Variants in EIPR1 observed in about 807,000 individuals in gnomAD.
The protein encoded by EIPR1 is EARP complex and GARP complex interacting protein 1.
In EIPR1, 25 loss-of-function variants were observed where a neutral mutation model predicts 48.1. The observed-to-expected ratio is 0.52, with a 90% CI of 0.38 to 0.73. The LOEUF is 0.73. Ranked by LOEUF, EIPR1 falls within the 30% of genes least tolerant of loss-of-function variation. The pLI is 0.00. For synonymous variants in EIPR1, 204 were observed against 201.9 expected, an observed-to-expected ratio of 1.01 and a Z score of -0.09; for missense variants, 415 against 506.2, an observed-to-expected ratio of 0.82 and a Z score of 1.73.
chr2:3,190,275 T>G (rs1420445914), intron 8 of EIPR1, among the ~76,000 whole-genome samples: 2 of 152,218 alleles, frequency 1.3e-5, no homozygotes, highest in African/African-American at 4.8e-5. Flanking sequence ...TCTGGCACTT[T>G]ACTTCCCATT....
chr2:3,354,327 G>A (rs7570358), intron 2 of EIPR1, among the ~76,000 whole-genome samples: 36,481 of 152,148 alleles, frequency 0.24, 4,545 homozygotes, highest in Non-Finnish European at 0.26. Flanking sequence ...CAAGACTACG[G>A]AAGTCATGCC....
At chr2:3,328,927 C>A (rs1168246474) in intron 3 of EIPR1, among the ~76,000 whole-genome samples, 1 of 138,302 alleles carries the variant, frequency 7.2e-6, no homozygotes, top group Admixed American at 7.1e-5. Flanking sequence ...GAATCAGAGC[C>A]CACCTACCAC....
intron 3 of EIPR1, among the ~76,000 whole-genome samples, chr2:3,322,622 G>C (rs968680284): frequency 6.6e-6 from 1 of 152,186 alleles, no homozygotes; most frequent in African/African-American, 2.4e-5. Flanking sequence ...CCCTAACTTG[G>C]TGAGCAGCCT....
intron 2 of EIPR1, among the ~76,000 whole-genome samples, chr2:3,350,630 T>C (rs970903051): frequency 6.6e-6 from 1 of 152,186 alleles, no homozygotes; most frequent in Non-Finnish European, 1.5e-5. Context: ...GTTCTGTTAT[T>C]CTATGAAGTA....
chr2:3,212,104 G>A (rs1665476901), intron 5 of EIPR1, among the ~76,000 whole-genome samples: 1 of 152,186 alleles, frequency 6.6e-6, no homozygotes, highest in Admixed American at 6.5e-5. Context: ...ATCGATAGGA[G>A]GTTTCTGTAT....
Position 3,312,802 on chromosome 2 carries a change from TGAC to T in EIPR1, c.259+25212_259+25214del, listed in dbSNP as rs1669169487. On this transcript the variant is annotated intron_variant, in intron 3 of 8. Coordinates refer to ENST00000382125, the MANE Select transcript of EIPR1 (RefSeq NM_003310.5). The surrounding 1 kb of genome is among the most constrained non-coding windows in gnomAD (Gnocchi z 5.5). Reference sequence around the variant, plus strand: ...TCTGTGACATGAGCACGTCATGGCCTGACCACCGCTGTGGGCCTCATTCTGGAA... The same window carrying T: ...TCTGTGACATGAGCACGTCATGGCCTCACCGCTGTGGGCCTCATTCTGGAA... Among the ~76,000 whole-genome samples, 3 of 152,162 alleles carry T rather than the reference TGAC, an allele frequency of 2.0e-5. No homozygotes were observed. In the South Asian group the frequency reaches 6.2e-4, roughly 31 times the overall value.
intron 5 of EIPR1, among the ~76,000 whole-genome samples, chr2:3,211,972 G>C (rs561732251): frequency 6.6e-6 from 1 of 152,178 alleles, no homozygotes; most frequent in African/African-American, 2.4e-5. Context: ...TAAATGGCAC[G>C]GAATTTCCAA....
At chr2:3,199,635 G>A (rs1664942790) in intron 5 of EIPR1, among the ~76,000 whole-genome samples, 1 of 152,150 alleles carries the variant, frequency 6.6e-6, no homozygotes, top group African/African-American at 2.4e-5. Context: ...GGTTGTGTCT[G>A]CATCTGAGCA....
At chr2:3,247,447 T>G (rs989859588) in intron 4 of EIPR1, among the ~76,000 whole-genome samples, 6 of 152,186 alleles carry the variant, frequency 3.9e-5, no homozygotes, top group East Asian at 3.9e-4. Flanking sequence ...GTGATGATGA[T>G]GCATTGTGGA....
chr2:3,219,701 G>A (rs1226259577), intron 4 of EIPR1, among the ~76,000 whole-genome samples: 4 of 150,152 alleles, frequency 2.7e-5, no homozygotes, highest in Non-Finnish European at 4.4e-5. Context: ...ACACAACCCT[G>A]GTATACTCTA....
intron 4 of EIPR1, among the ~76,000 whole-genome samples, chr2:3,227,064 C>T (rs1666087199): frequency 6.6e-6 from 1 of 152,096 alleles, no homozygotes; most frequent in Non-Finnish European, 1.5e-5. Flanking sequence ...ATTGGTACTG[C>T]AGAGAGTGAG....
intron 4 of EIPR1, among the ~76,000 whole-genome samples, chr2:3,217,573 A>C (rs1298585426): frequency 6.6e-6 from 1 of 152,236 alleles, no homozygotes; most frequent in Non-Finnish European, 1.5e-5. Context: ...TTTTTAAAAA[A>C]ATTGAGTTAA....
chr2:3,242,265 TG>T (rs1558245894), intron 4 of EIPR1, among the ~76,000 whole-genome samples: 10 of 15,358 alleles, frequency 6.5e-4, no homozygotes, highest in Admixed American at 3.3e-3. Context: ...CACTGACGGC[TG>T]GAAGACAGAG....
At chr2:3,349,280 G>A (rs1208782085) in intron 2 of EIPR1, among the ~76,000 whole-genome samples, 4 of 152,258 alleles carry the variant, frequency 2.6e-5, no homozygotes, top group African/African-American at 9.6e-5. Context: ...GACTGAGGCA[G>A]CATGTGGGAA....
chr2:3,247,016 G>GGAGGGAGAGAGCGAGGGAGGGAGAGAGC (rs1666844651), intron 4 of EIPR1, among the ~76,000 whole-genome samples: 1 of 25,842 alleles, frequency 3.9e-5, no homozygotes, highest in African/African-American at 2.0e-4. Flanking sequence ...AGAGAGCGAG[G>GGAGGGAGAGAGCGAGGGAGGGAGAGAGC]GAGGGAGAGA....
intron 6 of EIPR1, 66 bp from the exon 7 acceptor site, chr2:3,194,232 C>A: frequency 6.4e-7 from 1 of 1,574,036 alleles, no homozygotes; most frequent in Non-Finnish European, 8.7e-7. Context: ...CTGCGTGCTG[C>A]GGGCACACAC....
At chr2:3,205,999 A>T (rs1441885350) in intron 5 of EIPR1, among the ~76,000 whole-genome samples, 2 of 152,162 alleles carry the variant, frequency 1.3e-5, no homozygotes, top group African/African-American at 4.8e-5. Context: ...AGTGGTCTTT[A>T]TGTGGGGCGA....
intron 3 of EIPR1, among the ~76,000 whole-genome samples, chr2:3,272,272 T>C (rs115822190): frequency 0.04 from 6,093 of 152,378 alleles, 164 homozygotes; most frequent in Non-Finnish European, 0.061. Context: ...ATCATTTGTG[T>C]GTTCACTGGA....
intron 4 of EIPR1, among the ~76,000 whole-genome samples, chr2:3,237,506 G>A (rs1308414020): frequency 6.6e-6 from 1 of 152,176 alleles, no homozygotes; most frequent in African/African-American, 2.4e-5. Context: ...TTTATCGTAT[G>A]TATTGCACAC....
Sources: gnomAD v4.1 joint callset for allele counts (sites outside exome capture counted in the v4.1 genomes callset) on GRCh38, gnomAD v4.1.1 for gene constraint, Gnocchi (gnomAD v3.1) non-coding constraint, MANE v1.5 for transcripts, NCBI Gene and HGNC (gene_info 2026-07-23, HGNC 2026-07-21) for gene names.